The following TMEM144 variants were observed in gnomAD, a reference collection of about 807,000 sequenced individuals.
TMEM144 encodes the protein transmembrane protein 144.
A neutral mutation model predicts 43.6 loss-of-function variants in TMEM144; 39 were observed. The observed-to-expected ratio is 0.90, with a 90% confidence interval of 0.69 to 1.17. The LOEUF (loss-of-function observed/expected upper bound fraction) is 1.17. TMEM144 is among the 50% of genes most tolerant of loss of function. The pLI is 0.00. For missense variants in TMEM144, 417 were observed against 411.9 expected, an observed-to-expected ratio of 1.01 and a Z score of -0.11; for synonymous variants, 154 against 133.6, an observed-to-expected ratio of 1.15 and a Z score of -1.06.
chr4:158,248,137 A>AAAAC (rs1270473760), intron 12 of TMEM144, among the ~76,000 whole-genome samples: 29 of 151,232 alleles, frequency 1.9e-4, no homozygotes, highest in African/African-American at 6.3e-4. Flanking sequence ...AAAAAAAAAA[A>AAAAC]AAAAAAAACC....
At chr4:158,253,187 C>G (rs2111161081) in intron 12 of TMEM144, among the ~76,000 whole-genome samples, 1 of 152,302 alleles carries the variant, frequency 6.6e-6, no homozygotes, top group East Asian at 1.9e-4. Flanking sequence ...TGATTACTTC[C>G]TGTCTCCCAT....
chr4:158,222,154 G>A (rs1046725171), intron 6 of TMEM144, among the ~76,000 whole-genome samples: 1 of 151,926 alleles, frequency 6.6e-6, no homozygotes, highest in Non-Finnish European at 1.5e-5. Context: ...TTGTATACAT[G>A]TGATTGTAAA....
rs748105477 is a variant in TMEM144 at position 158,241,603 on chromosome 4, T to C, written c.897T>C (p.Thr299=). ...LSAVVSFPII[T]AGPGFIAAMW... Reference sequence around the variant, plus strand: ...CTGTGGTCAGTTTTCCAATAATCACTGCTGTAAGTAGCTGAACTGGTTTTC... The same window carrying C: ...CTGTGGTCAGTTTTCCAATAATCACCGCTGTAAGTAGCTGAACTGGTTTTC... Residue 299 remains threonine, a synonymous_variant, in exon 11 of 13, where the codon ACT becomes ACC. Coordinates refer to ENST00000296529, the MANE Select transcript of TMEM144 (RefSeq NM_018342.5). 2 of 1,612,578 alleles carry C rather than the reference T, an allele frequency of 1.2e-6. No individual in the cohort carries two copies. The highest frequency in any genetic ancestry group is 2.2e-5 in the South Asian group (2 of 90,816).
chr4:158,211,982 A>G (rs1028661916), intron 2 of TMEM144: 12 of 152,244 alleles, frequency 7.9e-5, no homozygotes, highest in African/African-American at 2.9e-4. Context: ...TATTCAATAC[A>G]TATATACAAG....
chr4:158,236,725 G>T (rs28510124), intron 8 of TMEM144, among the ~76,000 whole-genome samples: 1 of 151,828 alleles, frequency 6.6e-6, no homozygotes, highest in Non-Finnish European at 1.5e-5. Flanking sequence ...TCACTCTGTC[G>T]CCTGGGCTGG....
intron 11 of TMEM144, among the ~76,000 whole-genome samples, chr4:158,242,023 C>T (rs781678667): frequency 1.3e-5 from 2 of 152,176 alleles, no homozygotes; most frequent in Admixed American, 1.3e-4. Flanking sequence ...GTTGGTTTTT[C>T]TACCATTGTT....
chr4:158,233,085 A>C, intron 7 of TMEM144, 103 bp downstream of exon 7: 3 of 794,980 alleles, frequency 3.8e-6, no homozygotes, highest in Non-Finnish European at 4.0e-6. Flanking sequence ...TTTGCTCATC[A>C]CTCCTGGCTA....
intron 6 of TMEM144, among the ~76,000 whole-genome samples, chr4:158,229,653 G>A (rs1734968154): frequency 6.6e-6 from 1 of 152,170 alleles, no homozygotes; most frequent in African/African-American, 2.4e-5. Flanking sequence ...ACTAAGGGAG[G>A]CCCAGGGAGG....
chr4:158,237,851 G>A (rs897823472), intron 9 of TMEM144, among the ~76,000 whole-genome samples: 1 of 152,070 alleles, frequency 6.6e-6, no homozygotes, highest in Non-Finnish European at 1.5e-5. Flanking sequence ...ACTTTAGCCA[G>A]GACTCTTTTC....
At chr4:158,234,143 G>A (rs1317841798) in intron 7 of TMEM144, 3 of 152,286 alleles carry the variant, frequency 2.0e-5, no homozygotes, top group Admixed American at 6.5e-5. Context: ...GAAAGAAACC[G>A]TTATTGCCAA....
chr4:158,227,375 A>G (rs999876697), intron 6 of TMEM144, among the ~76,000 whole-genome samples: 4 of 152,182 alleles, frequency 2.6e-5, no homozygotes, highest in African/African-American at 9.7e-5. Context: ...GGAAGGCCTC[A>G]GTGCTTTCAG....
In TMEM144 at chr4:158,253,571, G is replaced by C. The variant is rs372334545; in HGVS notation, c.*44G>C. On this transcript the variant is annotated 3_prime_UTR_variant, in exon 13 of 13. Coordinates refer to ENST00000296529, the MANE Select transcript of TMEM144 (RefSeq NM_018342.5). ...GTGGCAGCAGTAGTTAAGAGAACGC[G>C]TCTATCGGACAGCGGAGAGATCATG... 1 of 1,486,298 alleles carries C rather than the reference G, an allele frequency of 6.7e-7. No homozygotes were observed. The allele number at this position is 1,486,298 out of a possible 1,614,324, so 92.1% of individuals were successfully genotyped here.
intron 8 of TMEM144, among the ~76,000 whole-genome samples, chr4:158,236,853 C>A (rs1377117379): frequency 6.6e-6 from 1 of 152,070 alleles, no homozygotes; most frequent in East Asian, 1.9e-4. Context: ...TATGAATCAC[C>A]TCCCCCTACA....
chr4:158,248,394 G>A (rs1334490460), intron 12 of TMEM144, among the ~76,000 whole-genome samples: 4 of 151,920 alleles, frequency 2.6e-5, no homozygotes, highest in African/African-American at 9.7e-5. Context: ...ATTGCACTCT[G>A]GCCTGGGTGA....
At chr4:158,225,100 G>T (rs1734696107) in intron 6 of TMEM144, among the ~76,000 whole-genome samples, 1 of 152,212 alleles carries the variant, frequency 6.6e-6, no homozygotes, top group South Asian at 2.1e-4. Flanking sequence ...AGCATGGGGG[G>T]ACTTTATGTT....
intron 6 of TMEM144, among the ~76,000 whole-genome samples, chr4:158,221,649 T>G (rs1279048275): frequency 6.6e-6 from 1 of 152,198 alleles, no homozygotes; most frequent in Non-Finnish European, 1.5e-5. Context: ...CCTTCTTTTG[T>G]CTTCTCATTT....
intron 4 of TMEM144, among the ~76,000 whole-genome samples, chr4:158,216,604 G>A (rs1734233938): frequency 6.6e-6 from 1 of 152,104 alleles, no homozygotes; most frequent in Non-Finnish European, 1.5e-5. Context: ...CCTTTAGCTG[G>A]TAGCTGAAAT....
At chr4:158,221,902 G>A (rs1734526975) in intron 6 of TMEM144, among the ~76,000 whole-genome samples, 1 of 152,152 alleles carries the variant, frequency 6.6e-6, no homozygotes, top group Non-Finnish European at 1.5e-5. Flanking sequence ...TAAACCATTT[G>A]TTCCTTTCTC....
At chr4:158,239,876 A>G (rs1044876573) in intron 9 of TMEM144, among the ~76,000 whole-genome samples, 1 of 151,834 alleles carries the variant, frequency 6.6e-6, no homozygotes, top group Admixed American at 6.6e-5. Flanking sequence ...ATGATTAAAT[A>G]TAATTAATGG....
Sources: gnomAD v4.1 joint callset for allele counts (sites outside exome capture counted in the v4.1 genomes callset) on GRCh38, gnomAD v4.1.1 for gene constraint, MANE v1.5 for transcripts, NCBI Gene and HGNC (gene_info 2026-07-23, HGNC 2026-07-21) for gene names.